The following IL4R variants were observed in gnomAD, a reference collection of about 807,000 sequenced individuals.
IL4R encodes interleukin 4 receptor.
A neutral mutation model predicts 41.5 loss-of-function variants in IL4R; 17 were observed. The observed-to-expected ratio is 0.41, with a 90% confidence interval of 0.28 to 0.61. IL4R has a LOEUF of 0.61. Among genes scored for constraint, IL4R ranks in the 20% least tolerant of loss-of-function variants. The pLI, the probability that IL4R is intolerant of heterozygous loss-of-function variation, is 0.31. For synonymous variants in IL4R, 402 were observed against 422.9 expected, an observed-to-expected ratio of 0.95 and a Z score of 0.61; for missense variants, 974 against 1,043.1, an observed-to-expected ratio of 0.93 and a Z score of 0.91.
At chr16:27,350,467 A>C (rs939407158) in intron 6 of IL4R, among the ~76,000 whole-genome samples, 1 of 150,034 alleles carries the variant, frequency 6.7e-6, no homozygotes, top group African/African-American at 2.5e-5. Context: ...TTGTGAAAAA[A>C]CCTCCCCTTG....
At position 27,358,931 on chromosome 16, in the gene IL4R, G is replaced by A. The variant is rs922535624; in HGVS notation, c.786G>A (p.Trp262Ter). The A allele has an allele frequency of 1.9e-6, 3 of 1,613,606 alleles. No individual in the cohort carries two copies. The highest frequency in any genetic ancestry group is 1.7e-6 in the Non-Finnish European group (2 of 1,179,618). Reference sequence around the variant, plus strand: ...TGTTTTTCAGGATTAAGAAAGAATGGTGGGATCAGATTCCCAACCCAGCCC... The same window carrying A: ...TGTTTTTCAGGATTAAGAAAGAATGATGGGATCAGATTCCCAACCCAGCCC... ...YVSITKIKKEWWDQIPNPARS... is the reference protein window; with the variant it reads ...YVSITKIKKE Residue 262 changes from tryptophan (W) to a stop codon, truncating the protein, a stop_gained, in exon 9 of 11, where the codon TGG becomes TGA. Coordinates refer to ENST00000395762, the MANE Select transcript of IL4R (RefSeq NM_000418.4). LOFTEE classifies it high-confidence loss of function.
intron 2 of IL4R, among the ~76,000 whole-genome samples, chr16:27,338,190 C>T (rs150707466): frequency 5.9e-5 from 9 of 151,386 alleles, no homozygotes; most frequent in Admixed American, 1.3e-4. Context: ...CTCCTGACCT[C>T]GTGATCCGCC....
At chr16:27,316,105 C>T (rs2084641779) in intron 1 of IL4R, among the ~76,000 whole-genome samples, 1 of 152,212 alleles carries the variant, frequency 6.6e-6, no homozygotes, top group Admixed American at 6.5e-5. Flanking sequence ...CGCAGTGACT[C>T]ACACCTGTAA....
intron 3 of IL4R, chr16:27,341,369 G>A (rs1016903280): frequency 2.4e-5 from 14 of 594,734 alleles, no homozygotes; most frequent in Non-Finnish European, 3.6e-5. Context: ...GATAAGCTTG[G>A]AATATTTATT....
intron 8 of IL4R, among the ~76,000 whole-genome samples, chr16:27,356,236 C>T (rs1428049529): frequency 3.3e-5 from 5 of 151,834 alleles, no homozygotes; most frequent in African/African-American, 7.3e-5. Context: ...GGATTACAGG[C>T]GCATGCCACT....
chr16:27,359,175 G>A (rs1241148498), intron 9 of IL4R, among the ~76,000 whole-genome samples, 181 bp downstream of exon 9: 9 of 152,312 alleles, frequency 5.9e-5, no homozygotes, highest in Admixed American at 3.9e-4. Context: ...AGGCTTTCCC[G>A]CCCTTCCCCT....
At chr16:27,356,028 TACTACACACC>T in intron 8 of IL4R, 121 bp downstream of exon 8, 1 of 645,434 alleles carries the variant, frequency 1.5e-6, no homozygotes, top group Non-Finnish European at 2.8e-6. Context: ...ACTGAGCAGC[TACTACACACC>T]TTGAGAGTAG....
Position 27,344,878 on chromosome 16 carries a change from G to A in IL4R, c.219G>A (p.Thr73=), listed in dbSNP as rs569547141. Residue 73 remains threonine (T), a synonymous_variant, in exon 5 of 11, where the codon ACG becomes ACA. Coordinates refer to ENST00000395762, the MANE Select transcript of IL4R (RefSeq NM_000418.4). ...GCCCCTGTGTCTGCAGAGCCCACAC[G>A]TGTATCCCTGAGAACAACGGAGGCG... ...QLVFLLSEAH[T]CIPENNGGAG... The A allele has an allele frequency of 3.6e-5, 58 of 1,614,176 alleles. No individual in the cohort carries two copies. The Admixed American group carries it at 6.5e-4, about 18-fold the overall frequency.
At chr16:27,354,167 C>T (rs1236828924) in intron 7 of IL4R, 4 of 152,208 alleles carry the variant, frequency 2.6e-5, no homozygotes, top group African/African-American at 9.7e-5. Context: ...AGTGAGGTAT[C>T]CCACAGGTCT....
At chr16:27,325,021 C>T (rs757444251) in intron 1 of IL4R, among the ~76,000 whole-genome samples, 5 of 152,142 alleles carry the variant, frequency 3.3e-5, no homozygotes, top group African/African-American at 4.8e-5. Flanking sequence ...CAGCTCAGCC[C>T]GCTCCTCTCC....
At position 27,362,351 on chromosome 16, in the gene IL4R, C is replaced by T. The variant is rs769929798; in HGVS notation, c.999C>T (p.Phe333=). Residue 333 remains phenylalanine (F), a synonymous_variant, in exon 11 of 11, where the codon TTC becomes TTT. Transcript: ENST00000395762. The part of the protein sequence containing the change: ...DPHKAAKEMP[F]QGSGKSAWCP... Reference sequence around the variant, plus strand: ...ACAAGGCTGCCAAAGAGATGCCTTTCCAGGGCTCTGGAAAATCAGCATGGT... The same window carrying T: ...ACAAGGCTGCCAAAGAGATGCCTTTTCAGGGCTCTGGAAAATCAGCATGGT... 34 of 1,614,050 alleles carry T rather than the reference C, an allele frequency of 2.1e-5. No homozygotes were observed. Among genetic ancestry groups the T allele is most frequent in the Non-Finnish European group, 2.7e-5 (32 of 1,180,038 alleles).
chr16:27,360,834 G>T lies in IL4R; in HGVS notation c.899+19G>T. 1 of 1,614,128 alleles carries T rather than the reference G, an allele frequency of 6.2e-7. No individual in the cohort carries two copies. The highest frequency in any genetic ancestry group is 1.7e-4 in the Middle Eastern group (1 of 6,056). On this transcript the variant is annotated intron_variant, in intron 10 of 10. Transcript: ENST00000395762. ...AGTGCCCGTATGTATCTGAACTTAG[G>T]TCACAGCCTGCATGCATTGGGAAGG... is the stretch of plus-strand genomic sequence containing the variant.
At position 27,362,706 on chromosome 16, in the gene IL4R, G is replaced by A; in HGVS notation, c.1354G>A (p.Gly452Arg). ...HMPWDEFPSA[G>R]PKEAPPWGKE... Reference sequence around the variant, plus strand: ...GCCCTGGGATGAGTTCCCAAGTGCAGGGCCCAAGGAGGCACCTCCCTGGGG... The same window carrying A: ...GCCCTGGGATGAGTTCCCAAGTGCAAGGCCCAAGGAGGCACCTCCCTGGGG... The change falls in exon 11 of 11, where the codon GGG becomes AGG. Residue 452 changes from glycine (G) to arginine (R), a missense_variant. Transcript: ENST00000395762. 1 of 1,614,156 alleles carries A rather than the reference G, an allele frequency of 6.2e-7. No homozygotes were observed. The highest frequency in any genetic ancestry group is 1.7e-5 in the Admixed American group (1 of 60,026).
intron 1 of IL4R, among the ~76,000 whole-genome samples, chr16:27,323,316 C>T (rs1415229888): frequency 6.6e-6 from 1 of 152,214 alleles, no homozygotes; most frequent in Admixed American, 6.5e-5. Context: ...TCACCTCGGG[C>T]AAATTCTGAA....
intron 2 of IL4R, among the ~76,000 whole-genome samples, chr16:27,335,167 A>G (rs956159585): frequency 6.6e-6 from 1 of 151,996 alleles, no homozygotes; most frequent in Non-Finnish European, 1.5e-5. Context: ...CTTCTCAGGA[A>G]TTGTTTCAGG....
chr16:27,358,451 T>C (rs2086171400), intron 8 of IL4R, among the ~76,000 whole-genome samples: 1 of 152,202 alleles, frequency 6.6e-6, no homozygotes, highest in South Asian at 2.1e-4. Context: ...AGAGAAGGGT[T>C]GTGTTTCTCC....
chr16:27,351,514 T>C (rs111276537), intron 6 of IL4R, among the ~76,000 whole-genome samples: 21 of 99,334 alleles, frequency 2.1e-4, no homozygotes, highest in African/African-American at 7.4e-4. Context: ...CTCTCTCTTT[T>C]TTTTTTTTTT....
chr16:27,323,800 C>T (rs1057032790), intron 1 of IL4R, among the ~76,000 whole-genome samples: 2 of 152,070 alleles, frequency 1.3e-5, no homozygotes, highest in African/African-American at 4.8e-5. Context: ...GGACTACAGG[C>T]ATGTGCCACC....
chr16:27,318,978 G>A (rs1302660445), intron 1 of IL4R, among the ~76,000 whole-genome samples: 2 of 152,228 alleles, frequency 1.3e-5, no homozygotes, highest in Non-Finnish European at 2.9e-5. Flanking sequence ...TGGGGACACG[G>A]GAATGAGTGA....
Sources: allele counts gnomAD v4.1 joint callset (sites outside exome capture counted in the v4.1 genomes callset), GRCh38; gene constraint gnomAD v4.1.1; transcripts MANE v1.5; gene names NCBI Gene and HGNC (gene_info 2026-07-23, HGNC 2026-07-21).